Variants in TSG101 observed in about 807,000 individuals in gnomAD.
TSG101 encodes the protein tumor susceptibility 101.
Under a neutral mutation model 48.5 loss-of-function variants are expected in TSG101, and 19 were observed. The ratio of observed to expected loss-of-function variants is 0.39; its 90% CI spans 0.27 to 0.58. TSG101 has a LOEUF of 0.58. Among genes scored for constraint, TSG101 ranks in the 20% least tolerant of loss-of-function variants. TSG101 has a pLI of 0.55. For synonymous variants in TSG101, 174 were observed against 169.4 expected, an observed-to-expected ratio of 1.03 and a Z score of -0.21; for missense variants, 365 against 484.4, an observed-to-expected ratio of 0.75 and a Z score of 2.31.
chr11:18,481,612 C>A lies in TSG101; in HGVS notation c.1083+18G>T, dbSNP rs2279900. The A allele has an allele frequency of 6.2e-7, 1 of 1,601,616 alleles. No homozygotes were observed. The highest frequency in any genetic ancestry group is 1.3e-5 in the African/African-American group (1 of 74,278). ...CAACCCAAGTTAAAAAATCTTGGAACGTAAAATGAAGAAATACCTTCAGGA... is the reference window on the plus strand; with the variant it reads ...CAACCCAAGTTAAAAAATCTTGGAAAGTAAAATGAAGAAATACCTTCAGGA... On this transcript the variant is annotated intron_variant, in intron 9 of 9. Transcript: ENST00000251968.
In TSG101 at chr11:18,494,744, C is replaced by T. The variant is rs147242778; in HGVS notation, c.640+7742G>A. Among the ~76,000 whole-genome samples, 243 of 152,140 alleles carry T rather than the reference C, an allele frequency of 1.6e-3. 1 individual carries two copies. The highest frequency in any genetic ancestry group is 4.8e-3 in the African/African-American group (198 of 41,512). ...GCACCCAAACCTGCACACAAGCAAGCGTGCACTAGTAAACCCACATGGGCT... is the reference window on the plus strand; with the variant it reads ...GCACCCAAACCTGCACACAAGCAAGTGTGCACTAGTAAACCCACATGGGCT... On this transcript the variant is annotated intron_variant, in intron 7 of 9. Coordinates refer to ENST00000251968, the MANE Select transcript of TSG101 (RefSeq NM_006292.4).
chr11:18,506,245 A>T (rs964099557), intron 6 of TSG101, among the ~76,000 whole-genome samples: 5 of 152,028 alleles, frequency 3.3e-5, no homozygotes. Flanking sequence ...TGGGTTGAGT[A>T]ATGACAGTGA....
chr11:18,502,395 T>C, intron 7 of TSG101, 91 bp downstream of exon 7: 1 of 964,012 alleles, frequency 1.0e-6, no homozygotes, highest in South Asian at 1.7e-5. Flanking sequence ...GAAGAAAGAG[T>C]AGTCCAAAAT....
chr11:18,485,287 C>T (rs1849604256), intron 7 of TSG101, among the ~76,000 whole-genome samples: 1 of 152,164 alleles, frequency 6.6e-6, no homozygotes, highest in Non-Finnish European at 1.5e-5. Flanking sequence ...ATGATCTTTC[C>T]TCCATTAACC....
intron 7 of TSG101, among the ~76,000 whole-genome samples, chr11:18,499,402 A>ATATATATATATATATATTT: frequency 1.8e-4 from 1 of 5,446 alleles, no homozygotes; most frequent in African/African-American, 5.0e-4. Flanking sequence ...ATATATATAT[A>ATATATATATATATATATTT]TTTTTTTTTT....
intron 9 of TSG101, among the ~76,000 whole-genome samples, chr11:18,480,884 A>G (rs1849525502): frequency 6.6e-6 from 1 of 152,146 alleles, no homozygotes; most frequent in African/African-American, 2.4e-5. Flanking sequence ...AAGCCATGCC[A>G]CTCAAGCAAG....
At chr11:18,516,193 T>C (rs765985048) in intron 2 of TSG101, 29 bp from the exon 3 acceptor site, 4 of 1,601,336 alleles carry the variant, frequency 2.5e-6, no homozygotes, top group South Asian at 2.2e-5. Context: ...GATTTAATCA[T>C]GAGCATTTTT....
At chr11:18,499,402 A>ATTTT (rs1160424288) in intron 7 of TSG101, among the ~76,000 whole-genome samples, 8 of 5,456 alleles carry the variant, frequency 1.5e-3, no homozygotes, top group East Asian at 9.1e-3. Context: ...ATATATATAT[A>ATTTT]TTTTTTTTTT....
intron 1 of TSG101, among the ~76,000 whole-genome samples, chr11:18,520,790 T>TG (rs1187167252): frequency 6.6e-6 from 1 of 152,152 alleles, no homozygotes; most frequent in African/African-American, 2.4e-5. Context: ...CCTAGCATTT[T>TG]GGGAGGCCGA....
At chr11:18,482,494 T>C (rs1002653516) in intron 8 of TSG101, among the ~76,000 whole-genome samples, 1 of 152,190 alleles carries the variant, frequency 6.6e-6, no homozygotes. Context: ...TACTATTCCA[T>C]CAAAAACACA....
chr11:18,480,618 G>A lies in TSG101; in HGVS notation c.1101C>T (p.Ser367=), dbSNP rs773068192. The change falls in exon 10 of 10, where the codon TCC becomes TCT. Residue 367 remains serine (S), a synonymous_variant. Transcript: ENST00000251968. ...GTGCCCTCAGCTGGAACTGTTTACG[G>A]GACAGAAGACGTACATGCTGGGAGG... ...DVFLKHVRLL[S]RKQFQLRALM... 8 of 1,613,836 alleles carry A rather than the reference G, an allele frequency of 5.0e-6. No individual in the cohort carries two copies. Among genetic ancestry groups the A allele is most frequent in the South Asian group, 2.2e-5 (2 of 91,008 alleles).
intron 6 of TSG101, 115 bp downstream of exon 6, chr11:18,506,742 C>A: frequency 2.7e-6 from 2 of 748,310 alleles, no homozygotes; most frequent in Non-Finnish European, 4.1e-6. Context: ...CAAGTTTTAT[C>A]TTCCACTAAA....
chr11:18,523,015 AACC>A (rs1250829322), intron 1 of TSG101, among the ~76,000 whole-genome samples: 5 of 151,978 alleles, frequency 3.3e-5, no homozygotes, highest in African/African-American at 1.2e-4. Context: ...TCAGCCTCCC[AACC>A]AGCTGGGATT....
intron 4 of TSG101, among the ~76,000 whole-genome samples, chr11:18,513,380 C>T (rs1269338823): frequency 2.0e-5 from 3 of 152,114 alleles, no homozygotes; most frequent in Non-Finnish European, 4.4e-5. Context: ...ACTGCAGCCT[C>T]GAATTCCCAG....
chr11:18,526,932 G>T lies in TSG101; in HGVS notation c.-116C>A. On this transcript the variant is annotated 5_prime_UTR_variant, in exon 1 of 10. Coordinates refer to ENST00000251968, the MANE Select transcript of TSG101 (RefSeq NM_006292.4). ...ACCCGGCCTCAAACAACAGGAAGTC[G>T]GCACCACTACACCACTTCCGCTTCC... is the stretch of plus-strand genomic sequence containing the variant. 8.7e-7 allele frequency: 1 copy of T among 1,152,196 alleles called. No homozygotes were observed. Among genetic ancestry groups the T allele is most frequent in the South Asian group, 1.4e-5 (1 of 71,908 alleles). 71.4% of individuals were successfully genotyped at this position (1,152,196 alleles called of 1,614,324 possible).
At chr11:18,519,627 A>G (rs1850235468) in intron 1 of TSG101, 24 bp from the exon 2 acceptor site, 1 of 1,558,416 alleles carries the variant, frequency 6.4e-7, no homozygotes, top group African/African-American at 1.4e-5. Flanking sequence ...TCGCATAAGA[A>G]TTTAGTTTAA....
At chr11:18,512,624 A>G (rs1012098236) in intron 4 of TSG101, among the ~76,000 whole-genome samples, 1 of 151,964 alleles carries the variant, frequency 6.6e-6, no homozygotes, top group African/African-American at 2.4e-5. Context: ...GAAAAATTAT[A>G]GAGAGTCTAT....
Position 18,488,548 on chromosome 11 carries a change from T to A in TSG101, c.641-4476A>T, listed in dbSNP as rs372157242. Among the ~76,000 whole-genome samples the A allele has an allele frequency of 3.9e-5, 6 of 152,098 alleles. No individual in the cohort carries two copies. In the East Asian group the frequency reaches 5.8e-4, roughly 15 times the overall value. On this transcript the variant is annotated intron_variant, in intron 7 of 9. Coordinates refer to ENST00000251968, the MANE Select transcript of TSG101 (RefSeq NM_006292.4). ...CAATACAGGGAGAAGTCAGGGATAT[T>A]TAAAAATACTTTTTTGATTCAGATC... is the stretch of plus-strand genomic sequence containing the variant.
intron 7 of TSG101, among the ~76,000 whole-genome samples, chr11:18,495,881 A>C (rs1165361539): frequency 1.3e-5 from 2 of 151,126 alleles, no homozygotes; most frequent in Non-Finnish European, 3.0e-5. Flanking sequence ...CTGAGATTGC[A>C]TCACTGCACT....
Sources: allele counts gnomAD v4.1 joint callset (sites outside exome capture counted in the v4.1 genomes callset), GRCh38; gene constraint gnomAD v4.1.1; transcripts MANE v1.5; gene names NCBI Gene and HGNC (gene_info 2026-07-23, HGNC 2026-07-21).